DGKI: variants seen among roughly 807,000 people sequenced by gnomAD.
DGKI encodes DAG kinase iota.
A neutral mutation model predicts 147.5 loss-of-function variants in DGKI; 55 were observed. That is an observed-to-expected ratio of 0.37 (90% CI 0.30 to 0.47). The LOEUF (loss-of-function observed/expected upper bound fraction) is 0.47. Among genes scored for constraint, DGKI ranks in the 20% least tolerant of loss-of-function variants. DGKI has a pLI of 1.00. For missense variants in DGKI, 1,007 were observed against 1,323.8 expected (o/e 0.76, Z 3.71); for synonymous variants, 469 against 477.1 (o/e 0.98, Z 0.22).
At chr7:137,491,846 G>C (rs1387601607) in intron 21 of DGKI, among the ~76,000 whole-genome samples, 1 of 152,242 alleles carries the variant, frequency 6.6e-6, no homozygotes. Context: ...CATGACTCCT[G>C]TGAGACTAGA....
chr7:137,393,054 C>T (rs1472129184), intron 32 of DGKI, among the ~76,000 whole-genome samples: 1 of 151,966 alleles, frequency 6.6e-6, no homozygotes. Flanking sequence ...TTAAAAACAA[C>T]AAGAGAGAAA....
chr7:137,529,547 G>A (rs1347283655), intron 20 of DGKI, among the ~76,000 whole-genome samples: 1 of 152,186 alleles, frequency 6.6e-6, no homozygotes, highest in Non-Finnish European at 1.5e-5. Context: ...GAACAAGCAA[G>A]CAGTGGCTTC....
chr7:137,554,221 G>A lies in DGKI; in HGVS notation c.1948-1653C>T, dbSNP rs539196487. ...GCACGGTCACATTAAATTATTTTTG[G>A]AACAAATTAGAGTATAAGTAATTTT... On this transcript the variant is annotated intron_variant, in intron 19 of 32. Coordinates refer to ENST00000614521, the MANE Select transcript of DGKI (RefSeq NM_001321708.2). Among the ~76,000 whole-genome samples the A allele has an allele frequency of 5.6e-4, 85 of 152,202 alleles. No individual in the cohort carries two copies. In the Middle Eastern group the frequency reaches 0.014, roughly 24 times the overall value.
intron 28 of DGKI, among the ~76,000 whole-genome samples, chr7:137,416,936 T>A (rs1306802726): frequency 6.6e-6 from 1 of 152,202 alleles, no homozygotes; most frequent in East Asian, 1.9e-4. Flanking sequence ...AGGGTAGCTA[T>A]TATGCAAACA....
chr7:137,517,413 GAGAA>G (rs1182369517), intron 21 of DGKI, among the ~76,000 whole-genome samples: 4 of 151,298 alleles, frequency 2.6e-5, no homozygotes, highest in Non-Finnish European at 4.4e-5. Flanking sequence ...GAGAAAGAGA[GAGAA>G]AGAAAGAAAG....
intron 1 of DGKI, among the ~76,000 whole-genome samples, chr7:137,802,500 AATCCTCT>A (rs1268912030): frequency 6.6e-6 from 1 of 152,208 alleles, no homozygotes; most frequent in Non-Finnish European, 1.5e-5. Context: ...AAATCATAAT[AATCCTCT>A]ATTTGTGACA....
At chr7:137,579,455 A>AG (rs1491326410) in intron 15 of DGKI, among the ~76,000 whole-genome samples, 1 of 151,586 alleles carries the variant, frequency 6.6e-6, no homozygotes, top group African/African-American at 2.4e-5. Context: ...AAAAAAAGAA[A>AG]GAAAAAAAGG....
intron 2 of DGKI, among the ~76,000 whole-genome samples, chr7:137,686,384 C>A (rs1219033536): frequency 6.6e-6 from 1 of 152,182 alleles, no homozygotes; most frequent in Non-Finnish European, 1.5e-5. Context: ...ATACTCTCCA[C>A]ACACCACTGC....
chr7:137,573,030 T>C (rs1818846097), intron 17 of DGKI, among the ~76,000 whole-genome samples, 192 bp from the exon 18 acceptor site: 1 of 152,182 alleles, frequency 6.6e-6, no homozygotes, highest in African/African-American at 2.4e-5. Context: ...GGTACAGAGG[T>C]TGGTTTTGTT....
At chr7:137,494,311 AAT>A (rs372932166) in intron 21 of DGKI, among the ~76,000 whole-genome samples, 2 of 152,198 alleles carry the variant, frequency 1.3e-5, no homozygotes, top group Non-Finnish European at 2.9e-5. Flanking sequence ...AAATTCAGGA[AAT>A]GAAGAGAAAC....
intron 6 of DGKI, among the ~76,000 whole-genome samples, chr7:137,634,835 G>T (rs2129003073): frequency 6.6e-6 from 1 of 152,284 alleles, no homozygotes; most frequent in Middle Eastern, 3.4e-3. Flanking sequence ...TCAGGAGTGG[G>T]TCCTAGAGAC....
chr7:137,785,063 T>C lies in DGKI; in HGVS notation c.401+61399A>G, dbSNP rs552652325. ...GATCTAAGGTCACACCTCATGGAAC[T>C]GGAGAAACAAGAACAATCTAAACTC... On this transcript the variant is annotated intron_variant, in intron 1 of 32. Coordinates refer to ENST00000614521, the MANE Select transcript of DGKI (RefSeq NM_001321708.2). Among the ~76,000 whole-genome samples the C allele has an allele frequency of 2.0e-5, 3 of 151,848 alleles. No homozygotes were observed. The East Asian group carries it at 5.8e-4, about 29-fold the overall frequency.
intron 1 of DGKI, among the ~76,000 whole-genome samples, chr7:137,693,340 T>A (rs1563153562): frequency 6.6e-6 from 1 of 152,200 alleles, no homozygotes; most frequent in Non-Finnish European, 1.5e-5. Flanking sequence ...CAATGATTCT[T>A]TCTATTAATT....
chr7:137,808,984 A>G (rs1797473955), intron 1 of DGKI, among the ~76,000 whole-genome samples: 1 of 152,154 alleles, frequency 6.6e-6, no homozygotes, highest in African/African-American at 2.4e-5. Flanking sequence ...AATGTGTCAT[A>G]TCTCCCTTCC....
chr7:137,494,906 G>A (rs1815903518), intron 21 of DGKI, among the ~76,000 whole-genome samples: 2 of 152,168 alleles, frequency 1.3e-5, no homozygotes, highest in Admixed American at 6.5e-5. Context: ...AGACCCAATG[G>A]TATGCTGTCT....
rs1212874789 is a variant in DGKI, at chr7:137,383,668, T to C, written c.*7552A>G. 1 of 151,964 alleles carries C rather than the reference T, an allele frequency of 6.6e-6. No homozygotes were observed. The highest frequency in any genetic ancestry group is 1.9e-4 in the East Asian group (1 of 5,190). 9.4% of individuals were successfully genotyped at this position (151,964 alleles called of 1,614,324 possible). On this transcript the variant is annotated 3_prime_UTR_variant, in exon 33 of 33. Transcript: ENST00000614521. ...ACTGTTTTTCAGAAAGCCCAAACTG[T>C]TTTTCTGGATGCAATGTTTAGGAAA...
At chr7:137,601,009 T>C (rs1020877397) in intron 10 of DGKI, among the ~76,000 whole-genome samples, 7 of 151,504 alleles carry the variant, frequency 4.6e-5, no homozygotes, top group East Asian at 1.9e-4. Context: ...CGGTGGCTCA[T>C]GCCTGTAATC....
intron 1 of DGKI, among the ~76,000 whole-genome samples, chr7:137,831,232 C>T (rs1050305807): frequency 5.3e-5 from 8 of 152,162 alleles, no homozygotes; most frequent in African/African-American, 2.4e-5. Context: ...TTTAAACCAC[C>T]TAGTTAACTT....
At chr7:137,602,321 T>C (rs1016289889) in intron 10 of DGKI, among the ~76,000 whole-genome samples, 1 of 152,156 alleles carries the variant, frequency 6.6e-6, no homozygotes, top group East Asian at 1.9e-4. Flanking sequence ...ATAAAAAGCA[T>C]TGAGAGGTTG....
Sources: allele counts gnomAD v4.1 joint callset (sites outside exome capture counted in the v4.1 genomes callset), GRCh38; gene constraint gnomAD v4.1.1; transcripts MANE v1.5; gene names NCBI Gene and HGNC (gene_info 2026-07-23, HGNC 2026-07-21).